The following EIF2AK3 variants were observed in gnomAD, a reference collection of about 807,000 sequenced individuals.
EIF2AK3 encodes the protein eukaryotic translation initiation factor 2 alpha kinase 3, also known as eukaryotic translation initiation factor 2-alpha kinase 3.
EIF2AK3 carries 50 observed loss-of-function variants against 113.5 expected under a neutral mutation model. That is an observed-to-expected ratio of 0.44 (90% CI 0.35 to 0.56). The LOEUF is 0.56. Ranked by LOEUF, EIF2AK3 falls within the 20% of genes least tolerant of loss-of-function variation. EIF2AK3 has a pLI of 0.00. For missense variants in EIF2AK3, 1,185 were observed against 1,378.0 expected, an observed-to-expected ratio of 0.86 and a Z score of 2.22; for synonymous variants, 448 against 495.4, an observed-to-expected ratio of 0.90 and a Z score of 1.27.
chr2:88,591,956 T>G (rs1674897954), intron 4 of EIF2AK3, among the ~76,000 whole-genome samples: 1 of 152,200 alleles, frequency 6.6e-6, no homozygotes, highest in South Asian at 2.1e-4. Flanking sequence ...AAAGCCCTAT[T>G]CATAGTCCAA....
At chr2:88,586,395 T>G (rs1674733328) in intron 8 of EIF2AK3, among the ~76,000 whole-genome samples, 1 of 152,100 alleles carries the variant, frequency 6.6e-6, no homozygotes, top group Non-Finnish European at 1.5e-5. Context: ...CAGGGTATTT[T>G]TAGCTTTCTT....
At position 88,627,450 on chromosome 2, in the gene EIF2AK3, C is replaced by CTCAGGTGGCAG; in HGVS notation, c.-177_-176insCTGCCACCTGA. The CTCAGGTGGCAG allele has an allele frequency of 4.1e-6, 3 of 739,078 alleles. No homozygotes were observed. Among genetic ancestry groups the CTCAGGTGGCAG allele is most frequent in the Non-Finnish European group, 5.7e-6 (3 of 524,124 alleles). 45.8% of individuals were successfully genotyped at this position (739,078 alleles called of 1,614,324 possible). Reference sequence around the variant, plus strand: ...CTCAGCCCGGCCTCTGCCGCTGCCACCTGAGTGACAGCCTATCTCGGACAT... The same window carrying CTCAGGTGGCAG: ...CTCAGCCCGGCCTCTGCCGCTGCCACTCAGGTGGCAGCTGAGTGACAGCCTATCTCGGACAT... On this transcript the variant is annotated 5_prime_UTR_variant, in exon 1 of 17. Coordinates refer to ENST00000303236, the MANE Select transcript of EIF2AK3 (RefSeq NM_004836.7).
intron 2 of EIF2AK3, among the ~76,000 whole-genome samples, chr2:88,606,552 G>A (rs1675284540): frequency 6.6e-6 from 1 of 152,186 alleles, no homozygotes; most frequent in African/African-American, 2.4e-5. Context: ...TGCCATCTTA[G>A]ATGACACAGA....
At chr2:88,585,444 T>C (rs1286074438) in intron 9 of EIF2AK3, among the ~76,000 whole-genome samples, 1 of 151,660 alleles carries the variant, frequency 6.6e-6, no homozygotes, top group Non-Finnish European at 1.5e-5. Flanking sequence ...TATAAGAAGA[T>C]TGGAGCTGGG....
At chr2:88,593,602 A>C (rs536757109) in intron 3 of EIF2AK3, among the ~76,000 whole-genome samples, 197 bp from the exon 4 acceptor site, 2 of 152,348 alleles carry the variant, frequency 1.3e-5, no homozygotes, top group South Asian at 4.1e-4. Context: ...AGTACCAATG[A>C]ATATTTATTT....
intron 1 of EIF2AK3, among the ~76,000 whole-genome samples, chr2:88,618,086 G>T (rs116065553): frequency 0.04 from 6,089 of 152,262 alleles, 385 homozygotes; most frequent in African/African-American, 0.14. Context: ...AGAGGCTGAG[G>T]TGGGAGGATT....
intron 15 of EIF2AK3, among the ~76,000 whole-genome samples, chr2:88,560,009 T>C (rs1673902491): frequency 3.9e-5 from 6 of 152,228 alleles, no homozygotes; most frequent in Admixed American, 3.9e-4. Context: ...TATGTTTAAC[T>C]GTTTAAGGAA....
chr2:88,609,088 T>C (rs1440804048), intron 2 of EIF2AK3, among the ~76,000 whole-genome samples: 1 of 151,824 alleles, frequency 6.6e-6, no homozygotes. Context: ...AAATCTGAAC[T>C]GGACAAATGT....
At chr2:88,579,867 T>A (rs1281014910) in intron 10 of EIF2AK3, 1 of 447,256 alleles carries the variant, frequency 2.2e-6, no homozygotes, top group African/African-American at 2.0e-5. Flanking sequence ...AAAAAAGACA[T>A]GTTTAATTGG....
chr2:88,576,851 A>G (rs1163524824), intron 11 of EIF2AK3, 148 bp from the exon 12 acceptor site: 3 of 870,096 alleles, frequency 3.4e-6, no homozygotes, highest in African/African-American at 3.4e-5. Flanking sequence ...TAGCCTGAAA[A>G]AGAGAGAAAG....
In EIF2AK3 at chr2:88,613,798, T is replaced by G. The variant is rs1269205947; in HGVS notation, c.364A>C (p.Asn122His). Residue 122 changes from asparagine (N) to histidine (H), a missense_variant, in exon 2 of 17, where the codon AAT becomes CAT. By Grantham distance (68) the Asn-to-His change is moderately conservative. Transcript: ENST00000303236. ...DGRIAALDPE[N>H]HGKKQWDLDV... ...AAATCCCACTGCTTTTTACCATGAT[T>G]TTCAGGATCCAAGGCAGCAATTCTC... The G allele has an allele frequency of 1.2e-6, 2 of 1,614,048 alleles. No homozygotes were observed. The highest frequency in any genetic ancestry group is 1.7e-6 in the Non-Finnish European group (2 of 1,179,926).
chr2:88,576,550 T>C lies in EIF2AK3; in HGVS notation c.2036+4A>G. The C allele has an allele frequency of 6.2e-7, 1 of 1,614,084 alleles. No homozygotes were observed. ...TTAAGTGTATGTGTAACAAAGTTAG[T>C]TACCTTTCATCTTTCAGCCAAATTT... On this transcript the variant is annotated splice_donor_region_variant and intron_variant, in intron 12 of 16. Transcript: ENST00000303236.
intron 4 of EIF2AK3, among the ~76,000 whole-genome samples, chr2:88,591,585 G>C (rs970146700): frequency 6.6e-6 from 1 of 152,100 alleles, no homozygotes; most frequent in Non-Finnish European, 1.5e-5. Context: ...GATCTCCACT[G>C]AACAAGATGT....
At position 88,590,708 on chromosome 2, in the gene EIF2AK3, G is replaced by A. The variant is rs1425437119; in HGVS notation, c.1003-103C>T. 3.8e-6 allele frequency: 6 copies of A among 1,567,590 alleles called. No homozygotes were observed. In the East Asian group the frequency reaches 9.0e-5, roughly 24 times the overall value. ...AATCACAAATTTATAAAAGCACAGA[G>A]AACAAGCTGAGAGCCCCAAGTAGTA... On this transcript the variant is annotated intron_variant, in intron 5 of 16. Transcript: ENST00000303236.
intron 2 of EIF2AK3, among the ~76,000 whole-genome samples, chr2:88,611,288 A>G (rs1675449368): frequency 6.6e-6 from 1 of 152,188 alleles, no homozygotes; most frequent in Non-Finnish European, 1.5e-5. Flanking sequence ...CTCTTTACAA[A>G]ATGGGACCAA....
chr2:88,570,270 G>A (rs768323388), intron 14 of EIF2AK3, among the ~76,000 whole-genome samples: 16 of 152,178 alleles, frequency 1.1e-4, no homozygotes, highest in Non-Finnish European at 1.5e-4. Context: ...TCCGAGACCC[G>A]CTGCTCTAAG....
chr2:88,575,158 A>C lies in EIF2AK3; in HGVS notation c.2325T>G (p.Thr775=). 6.2e-7 allele frequency: 1 copy of C among 1,613,948 alleles called. No homozygotes were observed. The highest frequency in any genetic ancestry group is 1.3e-5 in the African/African-American group (1 of 75,020). ...CLTDCDVEDG[T]MDGNDEGHSF... is the part of the protein sequence containing the mutation. ...AGTGCCCCTCATCATTGCCATCCAT[A>C]GTCCCATCTTCCACATCACAGTCTG... Residue 775 remains threonine (T), a synonymous_variant, in exon 13 of 17, where the codon ACT becomes ACG. Transcript: ENST00000303236.
intron 2 of EIF2AK3, among the ~76,000 whole-genome samples, chr2:88,608,667 G>A (rs1275805742): frequency 1.4e-5 from 2 of 144,362 alleles, no homozygotes; most frequent in Non-Finnish European, 3.0e-5. Flanking sequence ...TATGCATCCA[G>A]TTCACAGCAT....
At chr2:88,604,559 A>G (rs1675223816) in intron 2 of EIF2AK3, among the ~76,000 whole-genome samples, 1 of 152,100 alleles carries the variant, frequency 6.6e-6, no homozygotes, top group Admixed American at 6.6e-5. Flanking sequence ...TTTGTACTAT[A>G]ATTATTTCAT....
Sources: gnomAD v4.1 joint callset for allele counts (sites outside exome capture counted in the v4.1 genomes callset) on GRCh38, gnomAD v4.1.1 for gene constraint, MANE v1.5 for transcripts, NCBI Gene and HGNC (gene_info 2026-07-23, HGNC 2026-07-21) for gene names.